The following CEP20 variants were observed in gnomAD, a reference collection of about 807,000 sequenced individuals.
CEP20 encodes centrosomal protein 20.
In CEP20, 18 loss-of-function variants were observed where a neutral mutation model predicts 20.0. The observed-to-expected ratio is 0.90, with a 90% CI of 0.62 to 1.34. The LOEUF is 1.34. CEP20 is among the 40% of genes most tolerant of loss of function. The pLI, the probability that CEP20 is intolerant of heterozygous loss-of-function variation, is 0.00. For missense variants in CEP20, 215 were observed against 201.6 expected (o/e 1.07, Z -0.40); for synonymous variants, 77 against 73.7 (o/e 1.04, Z -0.23).
intron 1 of CEP20, among the ~76,000 whole-genome samples, chr16:15,884,565 G>C (rs964681468): frequency 6.6e-6 from 1 of 152,022 alleles, no homozygotes; most frequent in Non-Finnish European, 1.5e-5. Context: ...GCAGTGGCAC[G>C]ATCTCAGCTC....
At chr16:15,871,972 G>C (rs922034920) in intron 4 of CEP20, among the ~76,000 whole-genome samples, 3 of 152,084 alleles carry the variant, frequency 2.0e-5, no homozygotes, top group Non-Finnish European at 4.4e-5. Flanking sequence ...ATTTACATTT[G>C]TTCTGATAAT....
intron 4 of CEP20, 112 bp downstream of exon 4, chr16:15,873,379 T>C (rs8056910): frequency 0.31 from 383,860 of 1,255,106 alleles, 60,206 homozygotes; most frequent in East Asian, 0.45. Context: ...ATATTAGATA[T>C]AAGCAGAATT....
At chr16:15,878,322 G>T (rs146732156) in intron 3 of CEP20, among the ~76,000 whole-genome samples, 2 of 152,094 alleles carry the variant, frequency 1.3e-5, no homozygotes, top group African/African-American at 4.8e-5. Flanking sequence ...AACAACAGAC[G>T]GGTAGAAAGA....
chr16:15,873,367 A>C (rs7193885), intron 4 of CEP20, 124 bp downstream of exon 4: 68,247 of 1,171,226 alleles, frequency 0.058, 2,643 homozygotes, highest in East Asian at 0.2. Flanking sequence ...CATAGGCTAG[A>C]CATATTAGAT....
At chr16:15,868,728 T>A (rs941203944) in intron 4 of CEP20, among the ~76,000 whole-genome samples, 21 of 152,106 alleles carry the variant, frequency 1.4e-4, no homozygotes, top group African/African-American at 5.1e-4. Flanking sequence ...GATGGAAATC[T>A]CTCTCCCTTT....
At chr16:15,869,435 C>T (rs1319940612) in intron 4 of CEP20, among the ~76,000 whole-genome samples, 7 of 151,842 alleles carry the variant, frequency 4.6e-5, no homozygotes, top group Non-Finnish European at 7.4e-5. Flanking sequence ...CTCGGCCTCC[C>T]GAGTAGCTGG....
At chr16:15,885,431 C>T (rs540755339) in intron 1 of CEP20, among the ~76,000 whole-genome samples, 5 of 152,048 alleles carry the variant, frequency 3.3e-5, no homozygotes, top group South Asian at 2.1e-4. Context: ...CTCGCTCTGT[C>T]GCCAGGTTGG....
intron 4 of CEP20, 24 bp from the exon 5 acceptor site, chr16:15,867,540 T>C (rs1158609682): frequency 2.6e-6 from 4 of 1,541,828 alleles, no homozygotes; most frequent in Non-Finnish European, 3.5e-6. Context: ...AAACCAATGT[T>C]AATACTTATC....
intron 3 of CEP20, among the ~76,000 whole-genome samples, chr16:15,874,170 T>C (rs1017967071): frequency 2.6e-5 from 4 of 152,234 alleles, no homozygotes; most frequent in Admixed American, 6.5e-5. Context: ...CCCTCCCTTA[T>C]AGGGCTGTTA....
At chr16:15,886,444 T>A (rs1597013137) in intron 1 of CEP20, among the ~76,000 whole-genome samples, 1 of 152,232 alleles carries the variant, frequency 6.6e-6, no homozygotes, top group East Asian at 1.9e-4. Flanking sequence ...ACTGAACCCC[T>A]ATTCTCTAAT....
intron 4 of CEP20, among the ~76,000 whole-genome samples, chr16:15,869,699 G>A (rs1054681031): frequency 6.7e-6 from 1 of 150,170 alleles, no homozygotes; most frequent in Non-Finnish European, 1.5e-5. Context: ...GTGCTGTGAT[G>A]TAGAATAAGG....
chr16:15,883,958 T>C (rs575513302), intron 2 of CEP20, 50 bp downstream of exon 2: 19 of 1,478,802 alleles, frequency 1.3e-5, no homozygotes, highest in Admixed American at 5.4e-5. Context: ...TTTCTGAGAA[T>C]TGGGGAAAGG....
At chr16:15,873,840 C>G (rs1941739234) in intron 3 of CEP20, among the ~76,000 whole-genome samples, 1 of 152,142 alleles carries the variant, frequency 6.6e-6, no homozygotes, top group Non-Finnish European at 1.5e-5. Context: ...AATTTTAAAA[C>G]CCAGAGAAAA....
At chr16:15,876,645 C>A (rs2151425097) in intron 3 of CEP20, among the ~76,000 whole-genome samples, 1 of 152,218 alleles carries the variant, frequency 6.6e-6, no homozygotes, top group Admixed American at 6.6e-5. Context: ...TTTGGATTTT[C>A]AAACATGTAT....
rs1431883287 is a variant in CEP20, at chr16:15,866,738, A to T, written c.*702T>A. The T allele has an allele frequency of 6.6e-6, 1 of 152,216 alleles. No individual in the cohort carries two copies. Among genetic ancestry groups the T allele is most frequent in the Admixed American group, 6.5e-5 (1 of 15,280 alleles). 9.4% of individuals were successfully genotyped at this position (152,216 alleles called of 1,614,324 possible). On this transcript the variant is annotated 3_prime_UTR_variant, in exon 5 of 5. Coordinates refer to ENST00000255759, the MANE Select transcript of CEP20 (RefSeq NM_144600.4). ...TACTTCACATTCTTTATCTAATAAA[A>T]TAAACTCTTTGTTTTATTTACAGCA...
chr16:15,868,246 G>T (rs1285107114), intron 4 of CEP20, among the ~76,000 whole-genome samples: 1 of 151,412 alleles, frequency 6.6e-6, no homozygotes, highest in South Asian at 2.1e-4. Context: ...AGGAGATAGA[G>T]ACCCTGTCTC....
chr16:15,869,372 G>A (rs577546238), intron 4 of CEP20, among the ~76,000 whole-genome samples: 12 of 148,510 alleles, frequency 8.1e-5, no homozygotes, highest in South Asian at 2.1e-4. Flanking sequence ...GTGTAGTGGC[G>A]CAATCTCGGC....
intron 3 of CEP20, among the ~76,000 whole-genome samples, chr16:15,876,080 AAG>A (rs1434112588): frequency 2.0e-5 from 3 of 151,782 alleles, no homozygotes; most frequent in Non-Finnish European, 4.4e-5. Flanking sequence ...AAAAAAAAAA[AAG>A]AGAAAGAAAA....
intron 1 of CEP20, 40 bp downstream of exon 1, chr16:15,888,518 C>CCGA: frequency 6.2e-7 from 1 of 1,613,986 alleles, no homozygotes; most frequent in Non-Finnish European, 8.5e-7. Flanking sequence ...AGATGAAGGC[C>CCGA]CGACGCTTCC....
Sources: gnomAD v4.1 joint callset for allele counts (sites outside exome capture counted in the v4.1 genomes callset) on GRCh38, gnomAD v4.1.1 for gene constraint, MANE v1.5 for transcripts, NCBI Gene and HGNC (gene_info 2026-07-23, HGNC 2026-07-21) for gene names.